Variants in CPLANE1 observed in about 807,000 individuals in gnomAD.
The protein encoded by CPLANE1 is ciliogenesis and planar polarity effector complex subunit 1.
CPLANE1 carries 263 observed loss-of-function variants against 362.5 expected under a neutral mutation model. That is an observed-to-expected ratio of 0.73 (90% CI 0.66 to 0.80). CPLANE1 has a LOEUF of 0.80. CPLANE1 is among the 30% of genes least tolerant of loss of function. CPLANE1 has a pLI of 0.00. For missense variants in CPLANE1, 3,461 were observed against 3,793.4 expected (o/e 0.91, Z 2.30); for synonymous variants, 1,212 against 1,302.6 (o/e 0.93, Z 1.50).
intron 8 of CPLANE1, among the ~76,000 whole-genome samples, chr5:37,238,487 C>CTTTT (rs869153501): frequency 8.4e-4 from 68 of 80,648 alleles, no homozygotes; most frequent in Non-Finnish European, 9.5e-4. Context: ...CCAGCCTTTT[C>CTTTT]TTTTTTTTTT....
chr5:37,191,613 G>A (rs1785574765), intron 21 of CPLANE1, among the ~76,000 whole-genome samples: 1 of 152,212 alleles, frequency 6.6e-6, no homozygotes, highest in African/African-American at 2.4e-5. Context: ...AGAGGCTGCA[G>A]TGAGACAAGA....
chr5:37,124,464 T>C (rs1160568361), intron 47 of CPLANE1, among the ~76,000 whole-genome samples: 1 of 152,196 alleles, frequency 6.6e-6, no homozygotes, highest in Non-Finnish European at 1.5e-5. Flanking sequence ...ACTGACATTG[T>C]TCTGTTGATA....
intron 15 of CPLANE1, among the ~76,000 whole-genome samples, chr5:37,220,321 A>G (rs1346798305): frequency 6.6e-6 from 1 of 152,152 alleles, no homozygotes; most frequent in East Asian, 1.9e-4. Context: ...TGAAATTGCT[A>G]TCAACTCTGT....
intron 46 of CPLANE1, 170 bp from the exon 47 acceptor site, chr5:37,125,579 A>C (rs1301018538): frequency 1.0e-5 from 6 of 597,670 alleles, no homozygotes; most frequent in Non-Finnish European, 1.7e-5. Context: ...AACTCCACTG[A>C]AAATGGACTC....
chr5:37,157,870 T>C lies in CPLANE1; in HGVS notation c.7813-2A>G. ...CACATTTATATAAGTATGTCCAACC[T>C]GAGCCAAAACACATAAAACCAAAGA... On this transcript the variant is annotated splice_acceptor_variant, in intron 39 of 52. Transcript: ENST00000651892. LOFTEE classifies it high-confidence loss of function. 5 of 1,495,184 alleles carry C rather than the reference T, an allele frequency of 3.3e-6. No homozygotes were observed. The South Asian group carries it at 5.7e-5, about 17-fold the overall frequency. 92.6% of individuals were successfully genotyped at this position (1,495,184 alleles called of 1,614,324 possible).
At chr5:37,156,692 G>A (rs907932680) in intron 41 of CPLANE1, among the ~76,000 whole-genome samples, 1 of 151,956 alleles carries the variant, frequency 6.6e-6, no homozygotes, top group African/African-American at 2.4e-5. Context: ...TTACCATAAT[G>A]CAACTTGACT....
At chr5:37,162,959 C>T (rs1460560273) in intron 37 of CPLANE1, among the ~76,000 whole-genome samples, 1 of 152,208 alleles carries the variant, frequency 6.6e-6, no homozygotes, top group Non-Finnish European at 1.5e-5. Context: ...GGATTACAGG[C>T]GTGGGCCACC....
intron 40 of CPLANE1, 59 bp downstream of exon 40, chr5:37,157,611 C>T: frequency 7.0e-7 from 1 of 1,435,954 alleles, no homozygotes; most frequent in Non-Finnish European, 9.7e-7. Flanking sequence ...GTAGGGATAA[C>T]AATGCTATAT....
rs1259217386 is a variant in CPLANE1 at position 37,165,591 on chromosome 5, G to T, written c.7481C>A (p.Pro2494Gln). 1.2e-6 allele frequency: 2 copies of T among 1,609,948 alleles called. No homozygotes were observed. The highest frequency in any genetic ancestry group is 2.2e-5 in the East Asian group (1 of 44,758). Residue 2494 changes from proline to glutamine, a missense_variant, in exon 36 of 53, where the codon CCA becomes CAA. This residue lies in a region of CPLANE1 where 3,380 missense variants were observed against 3,666.1 expected (regional missense o/e 0.92). Coordinates refer to ENST00000651892, the MANE Select transcript of CPLANE1 (RefSeq NM_001384732.1). ...ATCATTATTAATTATGGAATTCTCT[G>T]GTCGAAAAGTCACATTTGGTTTTCT... The part of the protein sequence containing the change: ...LRRKPNVTFR[P>Q]ENSIINNDDS...
At chr5:37,077,702 C>G in the CPLANE1 span, among the ~76,000 whole-genome samples, 2 of 149,706 alleles carry the variant, frequency 1.3e-5, no homozygotes, top group Admixed American at 1.3e-4. Flanking sequence ...CAACCTTGAC[C>G]TCTCAGGCTC....
At chr5:37,234,000 A>C (rs1371390651) in intron 8 of CPLANE1, among the ~76,000 whole-genome samples, 1 of 152,214 alleles carries the variant, frequency 6.6e-6, no homozygotes, top group Non-Finnish European at 1.5e-5. Flanking sequence ...AAGTCATACA[A>C]AGATTACACT....
the CPLANE1 span, among the ~76,000 whole-genome samples, chr5:37,076,304 C>CTGA: frequency 2.0e-5 from 3 of 151,250 alleles, no homozygotes; most frequent in South Asian, 6.3e-4. Flanking sequence ...GGGGGAGCAA[C>CTGA]TGATGTCAAA....
At chr5:37,112,290 G>A (rs1759581632) in intron 51 of CPLANE1, among the ~76,000 whole-genome samples, 1 of 152,090 alleles carries the variant, frequency 6.6e-6, no homozygotes, top group Non-Finnish European at 1.5e-5. Context: ...CTATCACTGG[G>A]TTTCTCTCAC....
chr5:37,238,463 G>A (rs1460459147), intron 8 of CPLANE1, among the ~76,000 whole-genome samples: 12 of 149,044 alleles, frequency 8.1e-5, no homozygotes, highest in East Asian at 3.9e-4. Flanking sequence ...GATTACAGGC[G>A]TGAGCCACAG....
chr5:37,186,928 G>T (rs13186233), intron 23 of CPLANE1, among the ~76,000 whole-genome samples: 1 of 151,914 alleles, frequency 6.6e-6, no homozygotes, highest in East Asian at 1.9e-4. Flanking sequence ...GGGCGTGTTG[G>T]CGGGAGCCTG....
intron 16 of CPLANE1, chr5:37,211,038 T>C: frequency 1.2e-6 from 1 of 816,172 alleles, no homozygotes; most frequent in Middle Eastern, 2.3e-4. Context: ...TGAAGTGTAC[T>C]GCAATCCAAA....
chr5:37,125,307 G>A lies in CPLANE1; in HGVS notation c.8895C>T (p.Tyr2965=). The change falls in exon 47 of 53, where the codon TAC becomes TAT. Residue 2965 remains tyrosine (Y), a synonymous_variant. Coordinates refer to ENST00000651892, the MANE Select transcript of CPLANE1 (RefSeq NM_001384732.1). ...CTCTCTTTTCTGCCAGCTCATTTAA[G>A]TACTTTGCCATTCTTTCTTTTCGTT... is the stretch of plus-strand genomic sequence containing the variant. The part of the protein sequence containing the change: ...KRKRKERMAK[Y]LNELAEKRGQ... The A allele has an allele frequency of 6.2e-7, 1 of 1,613,988 alleles. No individual in the cohort carries two copies. The highest frequency in any genetic ancestry group is 8.5e-7 in the Non-Finnish European group (1 of 1,179,944).
At chr5:37,132,270 G>A (rs558012931) in intron 46 of CPLANE1, among the ~76,000 whole-genome samples, 2 of 150,908 alleles carry the variant, frequency 1.3e-5, no homozygotes, top group East Asian at 1.9e-4. Context: ...AAATGACTTC[G>A]AGAAGTGTTT....
At chr5:37,189,638 T>C (rs191965960) in intron 21 of CPLANE1, among the ~76,000 whole-genome samples, 2 of 152,324 alleles carry the variant, frequency 1.3e-5, no homozygotes, top group African/African-American at 4.8e-5. Context: ...TATTAGTTAC[T>C]AGGCTATAAA....
Sources: allele counts gnomAD v4.1 joint callset (sites outside exome capture counted in the v4.1 genomes callset), GRCh38; gene constraint gnomAD v4.1.1; regional missense constraint gnomAD v4.1.1; transcripts MANE v1.5; gene names NCBI Gene and HGNC (gene_info 2026-07-23, HGNC 2026-07-21).